Variants in GNAQ observed in about 807,000 individuals in gnomAD.
The protein encoded by GNAQ is G protein subunit alpha q, also known as guanine nucleotide-binding protein G(q) subunit alpha.
In GNAQ, 8 loss-of-function variants were observed where a neutral mutation model predicts 43.9. The ratio of observed to expected loss-of-function variants is 0.18; its 90% CI spans 0.11 to 0.33. GNAQ has a LOEUF of 0.33. Among genes scored for constraint, GNAQ ranks in the 10% least tolerant of loss-of-function variants. GNAQ has a pLI of 1.00. For synonymous variants in GNAQ, 155 were observed against 170.7 expected, an observed-to-expected ratio of 0.91 and a Z score of 0.71; for missense variants, 158 against 450.8, an observed-to-expected ratio of 0.35 and a Z score of 5.88.
At chr9:77,885,466 C>T (rs1013383867) in intron 2 of GNAQ, among the ~76,000 whole-genome samples, 3 of 152,196 alleles carry the variant, frequency 2.0e-5, no homozygotes, top group Admixed American at 6.5e-5. Context: ...CCAACAGGGT[C>T]GGCCCTGTCC....
At chr9:77,731,332 T>C (rs995660728) in intron 5 of GNAQ, among the ~76,000 whole-genome samples, 3 of 152,144 alleles carry the variant, frequency 2.0e-5, no homozygotes, top group Non-Finnish European at 4.4e-5. Flanking sequence ...GAGCCCAGCA[T>C]TGTGTTCCAG....
chr9:77,865,114 G>C (rs1211950387), intron 2 of GNAQ, among the ~76,000 whole-genome samples: 2 of 152,180 alleles, frequency 1.3e-5, no homozygotes, highest in Non-Finnish European at 2.9e-5. Context: ...CTCCACATTT[G>C]TCAGTAATCT....
chr9:77,956,778 T>C (rs147526422), intron 1 of GNAQ, among the ~76,000 whole-genome samples: 1,537 of 152,328 alleles, frequency 0.01, 18 homozygotes, highest in Non-Finnish European at 0.013. Flanking sequence ...CAACATTGAA[T>C]GAGAGCCCTT....
chr9:77,773,040 G>A (rs961342965), intron 5 of GNAQ, among the ~76,000 whole-genome samples: 1 of 152,222 alleles, frequency 6.6e-6, no homozygotes, highest in African/African-American at 2.4e-5. Context: ...GGTTGGACAA[G>A]CTTGTTATAA....
At chr9:77,840,491 C>T (rs1424744420) in intron 2 of GNAQ, among the ~76,000 whole-genome samples, 2 of 151,936 alleles carry the variant, frequency 1.3e-5, no homozygotes, top group Non-Finnish European at 2.9e-5. Flanking sequence ...CATGCGCCAC[C>T]ACACCTGGCT....
intron 1 of GNAQ, among the ~76,000 whole-genome samples, chr9:77,991,307 G>A (rs1011429494): frequency 2.0e-5 from 3 of 152,094 alleles, no homozygotes; most frequent in African/African-American, 7.2e-5. Context: ...ACCTTTCAGT[G>A]ATGTTCTTCA....
chr9:77,826,466 T>A (rs966111555), intron 2 of GNAQ, among the ~76,000 whole-genome samples: 1 of 152,206 alleles, frequency 6.6e-6, no homozygotes, highest in Non-Finnish European at 1.5e-5. Flanking sequence ...TGATGTTCTT[T>A]CCCCATTATC....
intron 3 of GNAQ, among the ~76,000 whole-genome samples, chr9:77,806,650 G>A (rs1242550043): frequency 6.6e-6 from 1 of 152,122 alleles, no homozygotes; most frequent in Non-Finnish European, 1.5e-5. Flanking sequence ...AGACAGAATG[G>A]GATTTGAACA....
intron 2 of GNAQ, among the ~76,000 whole-genome samples, chr9:77,875,737 G>C (rs560837544): frequency 6.6e-6 from 1 of 152,188 alleles, no homozygotes; most frequent in African/African-American, 2.4e-5. Flanking sequence ...ATTGCTCAAA[G>C]TCAGTGACAT....
At chr9:78,018,423 TAA>T (rs1564179875) in intron 1 of GNAQ, among the ~76,000 whole-genome samples, 1 of 152,204 alleles carries the variant, frequency 6.6e-6, no homozygotes, top group African/African-American at 2.4e-5. Context: ...ATGAATATTT[TAA>T]AAAGTTTTAT....
chr9:77,866,440 AAAAT>A (rs1481137398), intron 2 of GNAQ, among the ~76,000 whole-genome samples: 8 of 152,186 alleles, frequency 5.3e-5, no homozygotes, highest in African/African-American at 1.7e-4. Context: ...ACTGTCTCAA[AAAAT>A]AAATAAATAA....
At chr9:77,923,534 T>G (rs1272596268) in intron 1 of GNAQ, among the ~76,000 whole-genome samples, 3 of 152,118 alleles carry the variant, frequency 2.0e-5, no homozygotes, top group Admixed American at 6.6e-5. Flanking sequence ...AAAGCTTCAT[T>G]TTTCTAAATA....
intron 1 of GNAQ, among the ~76,000 whole-genome samples, chr9:77,926,327 C>A (rs1447757303): frequency 6.6e-6 from 1 of 151,904 alleles, no homozygotes; most frequent in Admixed American, 6.6e-5. Context: ...ACAGCTGTTC[C>A]CAAATTACAT....
intron 5 of GNAQ, among the ~76,000 whole-genome samples, chr9:77,760,461 G>C (rs1360878799): frequency 1.3e-5 from 2 of 152,046 alleles, no homozygotes; most frequent in African/African-American, 2.4e-5. Context: ...CGCCAGCCTC[G>C]GCCTCTGGAG....
At chr9:77,798,810 T>G (rs778411579) in intron 3 of GNAQ, among the ~76,000 whole-genome samples, 3 of 152,188 alleles carry the variant, frequency 2.0e-5, no homozygotes, top group Non-Finnish European at 4.4e-5. Context: ...TCTCTGAATA[T>G]TTTTGATCCA....
chr9:78,007,745 A>G (rs1823724877), intron 1 of GNAQ, among the ~76,000 whole-genome samples: 1 of 152,364 alleles, frequency 6.6e-6, no homozygotes, highest in East Asian at 1.9e-4. Flanking sequence ...TCCAATCCCT[A>G]TCTTGTGAGA....
intron 5 of GNAQ, among the ~76,000 whole-genome samples, chr9:77,762,141 C>G (rs1255089371): frequency 1.4e-5 from 2 of 139,304 alleles, no homozygotes; most frequent in East Asian, 2.3e-4. Context: ...AGCCCCCTGC[C>G]CGGCCAGCCG....
chr9:77,797,375 A>AT, intron 4 of GNAQ, 145 bp downstream of exon 4: 1 of 691,584 alleles, frequency 1.4e-6, no homozygotes, highest in Non-Finnish European at 2.5e-6. Flanking sequence ...GGGATATGTC[A>AT]TTTTATTTGT....
chr9:78,003,847 C>T (rs947036897), intron 1 of GNAQ, among the ~76,000 whole-genome samples: 12 of 151,340 alleles, frequency 7.9e-5, no homozygotes, highest in Non-Finnish European at 1.3e-4. Context: ...AGCTGGAGTC[C>T]GAACTGCACC....
Sources: allele counts gnomAD v4.1 joint callset (sites outside exome capture counted in the v4.1 genomes callset), GRCh38; gene constraint gnomAD v4.1.1; transcripts MANE v1.5; gene names NCBI Gene and HGNC (gene_info 2026-07-23, HGNC 2026-07-21).